Variants in CNOT4 observed in about 807,000 individuals in gnomAD.
The protein encoded by CNOT4 is CCR4-associated factor 4.
CNOT4 carries 8 observed loss-of-function variants against 73.8 expected under a neutral mutation model. The observed-to-expected ratio is 0.11, with a 90% CI of 0.06 to 0.20. CNOT4 has a LOEUF of 0.20. Among genes scored for constraint, CNOT4 ranks in the 10% least tolerant of loss-of-function variants. The pLI is 1.00. For missense variants in CNOT4, 564 were observed against 883.4 expected (o/e 0.64, Z 4.58); for synonymous variants, 293 against 321.1 (o/e 0.91, Z 0.94).
chr7:135,462,789 G>C (rs537727652), intron 1 of CNOT4, among the ~76,000 whole-genome samples: 1 of 152,056 alleles, frequency 6.6e-6, no homozygotes, highest in Non-Finnish European at 1.5e-5. Context: ...CCTGAGCTTC[G>C]GTCAGTAAAA....
chr7:135,362,627 T>G lies in CNOT4; in HGVS notation c.*258A>C, dbSNP rs1185743845. The G allele has an allele frequency of 2.2e-5, 13 of 586,510 alleles. No individual in the cohort carries two copies. Among genetic ancestry groups the G allele is most frequent in the Non-Finnish European group, 3.7e-5 (12 of 327,988 alleles). The allele number at this position is 586,510 out of a possible 1,614,324, so 36.3% of individuals were successfully genotyped here. A position where few individuals can be genotyped will look rare whatever the true frequency, so the allele number is the denominator to read the frequency against. ...TTGAGACTGCCCTTTGATTTTTTTT[T>G]CTCTCCTTAAAAAGGCATTTTTAGA... On this transcript the variant is annotated 3_prime_UTR_variant, in exon 12 of 12. Coordinates refer to ENST00000541284, the MANE Select transcript of CNOT4 (RefSeq NM_001190850.2).
In CNOT4 at chr7:135,362,609, T is replaced by C. The variant is rs1025557655; in HGVS notation, c.*276A>G. On this transcript the variant is annotated 3_prime_UTR_variant, in exon 12 of 12. Coordinates refer to ENST00000541284, the MANE Select transcript of CNOT4 (RefSeq NM_001190850.2). ...ACAATAATTTTCTAAGTATTGAGAC[T>C]GCCCTTTGATTTTTTTTTCTCTCCT... The C allele has an allele frequency of 1.6e-5, 9 of 565,760 alleles. No homozygotes were observed. The highest frequency in any genetic ancestry group is 2.5e-5 in the Non-Finnish European group (8 of 315,854). The allele number at this position is 565,760 out of a possible 1,614,324, so 35.0% of individuals were successfully genotyped here.
chr7:135,444,900 T>TG, intron 1 of CNOT4: 1 of 1,600,952 alleles, frequency 6.2e-7, no homozygotes, highest in African/African-American at 1.3e-5. Context: ...TGTGGGCATC[T>TG]GCAAAGCTGT....
At chr7:135,453,159 C>T (rs1017750690) in intron 1 of CNOT4, among the ~76,000 whole-genome samples, 11 of 152,058 alleles carry the variant, frequency 7.2e-5, no homozygotes, top group Admixed American at 1.3e-4. Context: ...ATAAATTAGT[C>T]TTTTTAGAGA....
chr7:135,394,307 T>C lies in CNOT4; in HGVS notation c.1238A>G (p.Lys413Arg). Residue 413 changes from lysine to arginine, a missense_variant, in exon 10 of 12, where the codon AAA becomes AGA. Coordinates refer to ENST00000541284, the MANE Select transcript of CNOT4 (RefSeq NM_001190850.2). ...LGFDPFDVTR[K>R]ALADLIEKEL... The stretch of plus-strand genomic sequence containing the variant: ...CTTCTCAATCAGGTCTGCTAAGGCT[T>C]TTCGAGTGACATCGAAGGGATCAAA... 2 of 1,614,158 alleles carry C rather than the reference T, an allele frequency of 1.2e-6. No homozygotes were observed. The highest frequency in any genetic ancestry group is 1.7e-6 in the Non-Finnish European group (2 of 1,180,006).
intron 7 of CNOT4, 48 bp from the exon 8 acceptor site, chr7:135,398,274 C>T (rs763930592): frequency 1.0e-6 from 1 of 967,300 alleles, no homozygotes; most frequent in African/African-American, 1.7e-5. Flanking sequence ...AGTCATTCTC[C>T]TACAATAAAA....
rs1457017135 is a variant in CNOT4, at chr7:135,388,369, G to A, written c.1627+5549C>T. 1.1e-5 allele frequency: 11 copies of A among 983,722 alleles called. No individual in the cohort carries two copies. The South Asian group carries it at 2.8e-4, about 25-fold the overall frequency. 60.9% of individuals were successfully genotyped at this position (983,722 alleles called of 1,614,324 possible). ...CTTTCTTCTCAAGTATTCAAAGAAT[G>A]CAATAGACATTATCTTGTTAATTTG... On this transcript the variant is annotated intron_variant, in intron 10 of 11. Transcript: ENST00000541284.
chr7:135,506,542 C>T (rs1236529045), intron 1 of CNOT4, among the ~76,000 whole-genome samples: 1 of 152,132 alleles, frequency 6.6e-6, no homozygotes, highest in Non-Finnish European at 1.5e-5. Context: ...GTACTATTTG[C>T]AGTCACATTA....
chr7:135,399,480 C>T (rs1051239604), intron 7 of CNOT4, among the ~76,000 whole-genome samples: 2 of 152,006 alleles, frequency 1.3e-5, no homozygotes, highest in African/African-American at 4.8e-5. Flanking sequence ...ATATGTGGTC[C>T]AGCCATTGTT....
intron 1 of CNOT4, among the ~76,000 whole-genome samples, chr7:135,490,049 A>G (rs1011261322): frequency 5.9e-5 from 9 of 152,224 alleles, no homozygotes; most frequent in Non-Finnish European, 1.3e-4. Flanking sequence ...AGTGTAGTAT[A>G]TAACTCCTCT....
At chr7:135,410,475 T>G in intron 7 of CNOT4, 40 bp downstream of exon 7, 1 of 1,282,674 alleles carries the variant, frequency 7.8e-7, no homozygotes, top group Non-Finnish European at 1.0e-6. Context: ...GATCAACTGA[T>G]AAGAAGGTAA....
chr7:135,369,437 C>T (rs1314649989), intron 10 of CNOT4, among the ~76,000 whole-genome samples: 1 of 152,154 alleles, frequency 6.6e-6, no homozygotes, highest in South Asian at 2.1e-4. Flanking sequence ...ACAAAATACA[C>T]CTAAAAGTGT....
intron 10 of CNOT4, among the ~76,000 whole-genome samples, chr7:135,375,786 A>G (rs1428678327): frequency 6.6e-6 from 1 of 152,126 alleles, no homozygotes; most frequent in East Asian, 1.9e-4. Flanking sequence ...TTAGCCAGGC[A>G]TGGTGGTGGG....
At chr7:135,490,034 T>C (rs180819437) in intron 1 of CNOT4, among the ~76,000 whole-genome samples, 2 of 152,360 alleles carry the variant, frequency 1.3e-5, no homozygotes, top group African/African-American at 4.8e-5. Context: ...AGGTTCTTTA[T>C]ATACAGTGTA....
chr7:135,400,760 T>C (rs1251145341), intron 7 of CNOT4, among the ~76,000 whole-genome samples: 2 of 152,174 alleles, frequency 1.3e-5, no homozygotes, highest in African/African-American at 4.8e-5. Context: ...TTGTAGATTG[T>C]GTTATCTATC....
At chr7:135,469,678 T>A (rs1216265449) in intron 1 of CNOT4, among the ~76,000 whole-genome samples, 1 of 152,178 alleles carries the variant, frequency 6.6e-6, no homozygotes, top group East Asian at 1.9e-4. Context: ...AAAATAGTTT[T>A]AAACATATAT....
intron 1 of CNOT4, among the ~76,000 whole-genome samples, chr7:135,476,235 G>GAT (rs1490639605): frequency 1.3e-5 from 2 of 152,098 alleles, no homozygotes; most frequent in East Asian, 1.9e-4. Context: ...GAGAGAGACA[G>GAT]ATATATAACC....
rs574021254 is a variant in CNOT4, at chr7:135,362,614, T to G, written c.*271A>C. On this transcript the variant is annotated 3_prime_UTR_variant, in exon 12 of 12. Transcript: ENST00000541284. ...AATTTTCTAAGTATTGAGACTGCCC[T>G]TTGATTTTTTTTTCTCTCCTTAAAA... The G allele has an allele frequency of 1.0e-5, 6 of 572,214 alleles. No homozygotes were observed. In the East Asian group the frequency reaches 1.8e-4, roughly 18 times the overall value. 35.4% of individuals were successfully genotyped at this position (572,214 alleles called of 1,614,324 possible). A position where few individuals can be genotyped will look rare whatever the true frequency, so the allele number is the denominator to read the frequency against.
Position 135,406,611 on chromosome 7 carries a change from C to T in CNOT4, c.821+3904G>A, listed in dbSNP as rs113271907. ...GGGAGGTCAAGGCTGCAGTGAGCTA[C>T]GATTACACCACTGTGCTCCAGCCCA... On this transcript the variant is annotated intron_variant, in intron 7 of 11. Coordinates refer to ENST00000541284, the MANE Select transcript of CNOT4 (RefSeq NM_001190850.2). Among the ~76,000 whole-genome samples, 48 of 152,218 alleles carry T rather than the reference C, an allele frequency of 3.2e-4. 1 individual carries two copies. Among genetic ancestry groups the T allele is most frequent in the African/African-American group, 1.1e-3 (46 of 41,534 alleles).
Sources: allele counts gnomAD v4.1 joint callset (sites outside exome capture counted in the v4.1 genomes callset), GRCh38; gene constraint gnomAD v4.1.1; transcripts MANE v1.5; gene names NCBI Gene and HGNC (gene_info 2026-07-23, HGNC 2026-07-21).